The following UBR4 variants were observed in gnomAD, a reference collection of about 807,000 sequenced individuals.
The protein encoded by UBR4 is E3 ubiquitin-protein ligase UBR4.
Under a neutral mutation model 575.6 loss-of-function variants are expected in UBR4, and 124 were observed. That is an observed-to-expected ratio of 0.22 (90% confidence interval 0.19 to 0.25). The LOEUF is 0.25. Among genes scored for constraint, UBR4 ranks in the 10% least tolerant of loss-of-function variants. The probability of loss-of-function intolerance (pLI) is 1.00; values close to 1 mark genes in which losing one functional copy is unlikely to be tolerated. For missense variants in UBR4, 4,818 were observed against 6,478.8 expected (o/e 0.74, Z 8.80); for synonymous variants, 2,455 against 2,473.7 (o/e 0.99, Z 0.22).
intron 94 of UBR4, 61 bp downstream of exon 94, chr1:19,094,845 T>C: frequency 6.3e-7 from 1 of 1,596,062 alleles, no homozygotes; most frequent in African/African-American, 1.3e-5. Flanking sequence ...AGGCCTGTTG[T>C]GGGCAATGAG....
chr1:19,160,183 G>A lies in UBR4; in HGVS notation c.5505C>T (p.Ser1835=), dbSNP rs1436514763. The A allele has an allele frequency of 6.2e-7, 1 of 1,614,028 alleles. No individual in the cohort carries two copies. Among genetic ancestry groups the A allele is most frequent in the South Asian group, 1.1e-5 (1 of 91,076 alleles). Residue 1835 remains serine (S), a synonymous_variant, in exon 39 of 106, where the codon AGC becomes AGT. Coordinates refer to ENST00000375254, the MANE Select transcript of UBR4 (RefSeq NM_020765.3). ...CACTGAGGGCTTGCTGAGCACGGCT[G>A]CTGCTCCCGACGGCTGAAGCTTGCT... ...NFQQASAVGS[S]SRAQQALSEL...
In UBR4 at chr1:19,197,528, C is replaced by A; in HGVS notation, c.893+142G>T. ...CCTGTAGTCCCAGCTACTCAGGAGG[C>A]TGAGGTGGGAGAACTGCTTGAACCA... On this transcript the variant is annotated intron_variant, in intron 7 of 105. Transcript: ENST00000375254. 10 of 1,246,558 alleles carry A rather than the reference C, an allele frequency of 8.0e-6. No individual in the cohort carries two copies. In the South Asian group the frequency reaches 1.3e-4, roughly 16 times the overall value. 77.2% of individuals were successfully genotyped at this position (1,246,558 alleles called of 1,614,324 possible).
chr1:19,134,680 G>A (rs1253335172), intron 60 of UBR4, among the ~76,000 whole-genome samples: 2 of 152,062 alleles, frequency 1.3e-5, no homozygotes, highest in Non-Finnish European at 2.9e-5. Flanking sequence ...TTCCTCAAGT[G>A]GGGAAGGTCT....
In UBR4 at chr1:19,074,672, G is replaced by A; in HGVS notation, c.*160C>T. On this transcript the variant is annotated 3_prime_UTR_variant, in exon 106 of 106. Transcript: ENST00000375254. ...TGCACCACACACACGAGATAAAACAGGAAGCCTAAAAACCCCAAGCCACAC... is the reference window on the plus strand; with the variant it reads ...TGCACCACACACACGAGATAAAACAAGAAGCCTAAAAACCCCAAGCCACAC... The A allele has an allele frequency of 1.3e-6, 1 of 777,626 alleles. No individual in the cohort carries two copies. Among genetic ancestry groups the A allele is most frequent in the Non-Finnish European group, 2.1e-6 (1 of 473,994 alleles). 48.2% of individuals were successfully genotyped at this position (777,626 alleles called of 1,614,324 possible).
At chr1:19,154,799 A>G (rs945763778) in intron 44 of UBR4, 119 bp downstream of exon 44, 5 of 1,422,134 alleles carry the variant, frequency 3.5e-6, no homozygotes. Flanking sequence ...GGAGAAAAAA[A>G]GGTTGGCTGG....
intron 23 of UBR4, 38 bp downstream of exon 23, chr1:19,173,401 T>C: frequency 6.2e-7 from 1 of 1,612,860 alleles, no homozygotes; most frequent in Non-Finnish European, 8.5e-7. Context: ...ACAAAGCACT[T>C]TGGCTTTGAA....
chr1:19,203,779 G>A (rs1385523213), intron 1 of UBR4, among the ~76,000 whole-genome samples: 1 of 152,112 alleles, frequency 6.6e-6, no homozygotes, highest in Non-Finnish European at 1.5e-5. Context: ...TATTTATGGA[G>A]CATCTATGAT....
Position 19,145,925 on chromosome 1 carries a change from C to G in UBR4, c.7813G>C (p.Asp2605His), listed in dbSNP as rs1286561167. 6 of 1,613,904 alleles carry G rather than the reference C, an allele frequency of 3.7e-6. No individual in the cohort carries two copies. The Admixed American group carries it at 8.3e-5, about 22-fold the overall frequency. ...KLPQMETEGM[D>H]EGKEPQKQLE... ...TGCTTCTGCGGTTCCTTCCCTTCATCCATTCCTTCTAAGCAGGAGAAAGAA... is the reference window on the plus strand; with the variant it reads ...TGCTTCTGCGGTTCCTTCCCTTCATGCATTCCTTCTAAGCAGGAGAAAGAA... The change falls in exon 53 of 106, where the codon GAT becomes CAT. Residue 2605 changes from aspartate (D) to histidine (H), a missense_variant. By Grantham distance (81) the Asp-to-His change is moderately conservative. Coordinates refer to ENST00000375254, the MANE Select transcript of UBR4 (RefSeq NM_020765.3).
intron 86 of UBR4, 94 bp from the exon 87 acceptor site, chr1:19,104,351 G>A: frequency 1.3e-6 from 2 of 1,483,066 alleles, no homozygotes; most frequent in Non-Finnish European, 1.8e-6. Context: ...CAAAAAGCAG[G>A]GAAAATCTAT....
intron 53 of UBR4, 31 bp from the exon 54 acceptor site, chr1:19,144,938 C>A (rs2084634498): frequency 6.2e-7 from 1 of 1,609,748 alleles, no homozygotes; most frequent in Non-Finnish European, 8.5e-7. Flanking sequence ...ATTTGAAAAT[C>A]TGGAGGAAAA....
chr1:19,074,733 T>C lies in UBR4; in HGVS notation c.*99A>G. 2 of 1,371,208 alleles carry C rather than the reference T, an allele frequency of 1.5e-6. No individual in the cohort carries two copies. Among genetic ancestry groups the C allele is most frequent in the Non-Finnish European group, 2.0e-6 (2 of 978,658 alleles). 84.9% of individuals were successfully genotyped at this position (1,371,208 alleles called of 1,614,324 possible). ...GAGAGAGGGGAGGGCGGGGTAACAATGCAGCATCCCGCGGAGGGAACTTAA... is the reference window on the plus strand; with the variant it reads ...GAGAGAGGGGAGGGCGGGGTAACAACGCAGCATCCCGCGGAGGGAACTTAA... On this transcript the variant is annotated 3_prime_UTR_variant, in exon 106 of 106. Coordinates refer to ENST00000375254, the MANE Select transcript of UBR4 (RefSeq NM_020765.3).
chr1:19,076,664 G>C, intron 105 of UBR4, 76 bp downstream of exon 105: 1 of 1,595,816 alleles, frequency 6.3e-7, no homozygotes, highest in Non-Finnish European at 8.6e-7. Context: ...TGAAGATAAA[G>C]CTACGGATGA....
At chr1:19,184,199 G>T (rs1016918042) in intron 15 of UBR4, 24 bp from the exon 16 acceptor site, 1 of 1,610,450 alleles carries the variant, frequency 6.2e-7, no homozygotes, top group African/African-American at 1.3e-5. Flanking sequence ...ACACAAAAAA[G>T]CTCTTATCAG....
At chr1:19,150,526 C>T in intron 49 of UBR4, 51 bp downstream of exon 49, 1 of 1,581,846 alleles carries the variant, frequency 6.3e-7, no homozygotes. Context: ...GAAGGTTCTG[C>T]AGTGAGTGGA....
chr1:19,133,627 A>T (rs1461838175), intron 60 of UBR4, among the ~76,000 whole-genome samples: 1 of 152,258 alleles, frequency 6.6e-6, no homozygotes, highest in African/African-American at 2.4e-5. Context: ...GATTGTGGAT[A>T]CAGAAAATCC....
rs2085301122 is a variant in UBR4 at position 19,149,155 on chromosome 1, C to T, written c.7431-529G>A. The stretch of plus-strand genomic sequence containing the variant: ...ATTGCCAACATTCAAGGGGTAAATA[C>T]AAAGCATCTTTAGAAAACTTTTCCC... On this transcript the variant is annotated intron_variant, in intron 49 of 105. Coordinates refer to ENST00000375254, the MANE Select transcript of UBR4 (RefSeq NM_020765.3). Among the ~76,000 whole-genome samples, 4 of 152,138 alleles carry T rather than the reference C, an allele frequency of 2.6e-5. No homozygotes were observed. In the South Asian group the frequency reaches 8.3e-4, roughly 32 times the overall value.
intron 11 of UBR4, among the ~76,000 whole-genome samples, chr1:19,188,067 T>TAAAA (rs1553225040): frequency 1.3e-5 from 2 of 150,280 alleles, no homozygotes; most frequent in African/African-American, 2.4e-5. Flanking sequence ...AATAAATAAA[T>TAAAA]AAAACCTCCT....
intron 103 of UBR4, chr1:19,079,526 A>G (rs1229200637): frequency 6.6e-6 from 1 of 152,174 alleles, no homozygotes; most frequent in Non-Finnish European, 1.5e-5. Context: ...TGGCAGAGGA[A>G]CTTTTTTTCT....
chr1:19,160,951 G>A lies in UBR4; in HGVS notation c.5372C>T (p.Thr1791Ile). ...TAATTCCTCCCGGCAGCCCTCTACT[G>A]TGCGGCAGAGGCTGCTCTTCTTGGG... is the stretch of plus-strand genomic sequence containing the variant. The part of the protein sequence containing the change: ...EKPKKSSLCR[T>I]VEGCREELQN... Residue 1791 changes from threonine to isoleucine, a missense_variant, in exon 38 of 106, where the codon ACA becomes ATA. By Grantham distance (89) the Thr-to-Ile change is moderately conservative. Coordinates refer to ENST00000375254, the MANE Select transcript of UBR4 (RefSeq NM_020765.3). 2 of 1,614,190 alleles carry A rather than the reference G, an allele frequency of 1.2e-6. No homozygotes were observed. Among genetic ancestry groups the A allele is most frequent in the East Asian group, 2.2e-5 (1 of 44,886 alleles).
Sources: gnomAD v4.1 joint callset for allele counts (sites outside exome capture counted in the v4.1 genomes callset) on GRCh38, gnomAD v4.1.1 for gene constraint, MANE v1.5 for transcripts, NCBI Gene and HGNC (gene_info 2026-07-23, HGNC 2026-07-21) for gene names.